The following ATF2 variants were observed in gnomAD, a reference collection of about 807,000 sequenced individuals.
The protein encoded by ATF2 is activating transcription factor 2, also known as cyclic AMP-dependent transcription factor ATF-2.
ATF2 carries 24 observed loss-of-function variants against 60.6 expected under a neutral mutation model. That is an observed-to-expected ratio of 0.40 (90% CI 0.29 to 0.56). The LOEUF is 0.56. Ranked by LOEUF, ATF2 falls within the 20% of genes least tolerant of loss-of-function variation. The pLI, the probability that ATF2 is intolerant of heterozygous loss-of-function variation, is 0.54. For missense variants in ATF2, 433 were observed against 607.7 expected (o/e 0.71, Z 3.02); for synonymous variants, 206 against 215.4 (o/e 0.96, Z 0.38).
chr2:175,095,546 T>C (rs1216546956), intron 11 of ATF2, among the ~76,000 whole-genome samples: 16 of 152,192 alleles, frequency 1.1e-4, no homozygotes, highest in Admixed American at 1.0e-3. Context: ...CTACTCAGAG[T>C]TACATTTGTA....
intron 4 of ATF2, among the ~76,000 whole-genome samples, chr2:175,129,121 T>C (rs1305883723): frequency 6.6e-6 from 1 of 152,134 alleles, no homozygotes; most frequent in African/African-American, 2.4e-5. Flanking sequence ...ACAGATAAAT[T>C]GTGAGATAAT....
intron 10 of ATF2, among the ~76,000 whole-genome samples, chr2:175,099,712 C>A (rs897885052): frequency 1.3e-5 from 2 of 152,142 alleles, no homozygotes; most frequent in Non-Finnish European, 2.9e-5. Context: ...TGTATAGTAT[C>A]CCCATTTTAC....
chr2:175,089,909 T>C (rs2105577228), intron 12 of ATF2, among the ~76,000 whole-genome samples: 1 of 152,322 alleles, frequency 6.6e-6, no homozygotes, highest in East Asian at 1.9e-4. Context: ...TACCAGTTCC[T>C]ATACCTATAC....
At chr2:175,144,366 C>G (rs79296523) in intron 2 of ATF2, among the ~76,000 whole-genome samples, 6,091 of 152,108 alleles carry the variant, frequency 0.04, 393 homozygotes, top group African/African-American at 0.14. Flanking sequence ...TTTAATAGTA[C>G]AGAGAGACTT....
chr2:175,108,691 T>A (rs1695937282), intron 10 of ATF2, among the ~76,000 whole-genome samples: 1 of 152,134 alleles, frequency 6.6e-6, no homozygotes, highest in Non-Finnish European at 1.5e-5. Flanking sequence ...AACAGCTCAT[T>A]GAGAACGGGC....
At chr2:175,110,130 T>G (rs948353635) in intron 10 of ATF2, among the ~76,000 whole-genome samples, 12 of 151,680 alleles carry the variant, frequency 7.9e-5, no homozygotes, top group African/African-American at 2.9e-4. Context: ...AGGTCAGGAG[T>G]TCGAGACCAG....
chr2:175,077,299 T>C (rs540734494), intron 13 of ATF2, among the ~76,000 whole-genome samples: 2 of 152,334 alleles, frequency 1.3e-5, no homozygotes, highest in African/African-American at 2.4e-5. Flanking sequence ...TTATAATCCT[T>C]TGGGTATATA....
In ATF2 at chr2:175,168,160, G is replaced by A. The variant is rs1700498832; in HGVS notation, c.-253C>T. 1 of 154,252 alleles carries A rather than the reference G, an allele frequency of 6.5e-6. No homozygotes were observed. 9.6% of individuals were successfully genotyped at this position (154,252 alleles called of 1,614,324 possible). On this transcript the variant is annotated 5_prime_UTR_variant, in exon 1 of 14. Transcript: ENST00000264110. ...GGCTGAACGGCACTTTAAAGGCCAC[G>A]GGCTCCCACAGGCTTCCGTCCTCTC...
At chr2:175,141,055 A>ATATATG (rs1390449850) in intron 2 of ATF2, among the ~76,000 whole-genome samples, 1 of 129,152 alleles carries the variant, frequency 7.7e-6, no homozygotes, top group Non-Finnish European at 1.6e-5. Context: ...ATATATATGT[A>ATATATG]TATATATATG....
intron 1 of ATF2, among the ~76,000 whole-genome samples, chr2:175,160,520 C>T (rs13418751): frequency 1.3e-5 from 2 of 152,130 alleles, no homozygotes. Context: ...ATCCCTCGAC[C>T]CAACATCCAT....
At chr2:175,094,304 G>A (rs1440441155) in intron 11 of ATF2, among the ~76,000 whole-genome samples, 1 of 144,974 alleles carries the variant, frequency 6.9e-6, no homozygotes, top group Non-Finnish European at 1.5e-5. Context: ...TGAGGCACGA[G>A]AATCACTTGA....
intron 4 of ATF2, among the ~76,000 whole-genome samples, chr2:175,124,924 G>A (rs1199826431): frequency 1.3e-5 from 2 of 151,946 alleles, no homozygotes; most frequent in East Asian, 3.8e-4. Flanking sequence ...TTTAAAACAA[G>A]TGAAATTAAC....
intron 1 of ATF2, among the ~76,000 whole-genome samples, chr2:175,154,251 A>ATATATT (rs879448060): frequency 1.4e-3 from 211 of 148,960 alleles, no homozygotes; most frequent in Non-Finnish European, 2.1e-3. Flanking sequence ...ATATATATAT[A>ATATATT]TTTTTTACTT....
chr2:175,129,559 C>T (rs1417600068), intron 4 of ATF2, among the ~76,000 whole-genome samples: 2 of 151,866 alleles, frequency 1.3e-5, no homozygotes, highest in Non-Finnish European at 1.5e-5. Flanking sequence ...CTTTGCTATA[C>T]ATTACATTTA....
At chr2:175,135,849 C>G (rs940020355) in intron 3 of ATF2, among the ~76,000 whole-genome samples, 3 of 152,164 alleles carry the variant, frequency 2.0e-5, no homozygotes, top group African/African-American at 7.2e-5. Context: ...TTTGACTCAA[C>G]TAATAATTCT....
At chr2:175,160,299 T>C (rs2788522) in intron 1 of ATF2, among the ~76,000 whole-genome samples, 137,682 of 152,206 alleles carry the variant, frequency 0.9, 62,342 homozygotes, top group East Asian at 1. Flanking sequence ...GTGGGAGGAT[T>C]GCTGAAGCCC....
rs1024473391 is a variant in ATF2 at position 175,103,065 on chromosome 2, T to C, written c.829-5472A>G. On this transcript the variant is annotated intron_variant, in intron 10 of 13. Coordinates refer to ENST00000264110, the MANE Select transcript of ATF2 (RefSeq NM_001880.4). The stretch of plus-strand genomic sequence containing the variant: ...TTAAGAGGTGATCTCCTAGAAATAA[T>C]TGTCATTCAAGTTCTATGTTGCACC... Among the ~76,000 whole-genome samples the C allele has an allele frequency of 3.3e-5, 5 of 152,316 alleles. No homozygotes were observed. In the South Asian group the frequency reaches 6.2e-4, roughly 19 times the overall value.
intron 4 of ATF2, among the ~76,000 whole-genome samples, chr2:175,124,061 T>C (rs552821610): frequency 1.6e-5 from 2 of 125,518 alleles, no homozygotes; most frequent in South Asian, 2.9e-4. Flanking sequence ...ACAGAATCTA[T>C]ATGAAATGTC....
intron 7 of ATF2, among the ~76,000 whole-genome samples, chr2:175,115,327 T>A (rs1368299904): frequency 6.6e-6 from 1 of 152,156 alleles, no homozygotes; most frequent in Non-Finnish European, 1.5e-5. Context: ...ATAAGAACTT[T>A]TAGAGCAATA....
Sources: gnomAD v4.1 joint callset for allele counts (sites outside exome capture counted in the v4.1 genomes callset) on GRCh38, gnomAD v4.1.1 for gene constraint, MANE v1.5 for transcripts, NCBI Gene and HGNC (gene_info 2026-07-23, HGNC 2026-07-21) for gene names.